Variants in CRYBG1 observed in about 807,000 individuals in gnomAD.
CRYBG1 encodes the protein beta/gamma crystallin domain-containing protein 1.
A neutral mutation model predicts 189.2 loss-of-function variants in CRYBG1; 139 were observed. The ratio of observed to expected loss-of-function variants is 0.73; its 90% CI spans 0.64 to 0.85. The LOEUF is 0.85. Ranked by LOEUF, CRYBG1 falls within the 40% of genes least tolerant of loss-of-function variation. The pLI is 0.00. For missense variants in CRYBG1, 2,611 were observed against 2,675.8 expected (o/e 0.98, Z 0.53); for synonymous variants, 1,023 against 1,017.1 (o/e 1.01, Z -0.11).
At chr6:106,414,113 C>T (rs1003882691) in intron 1 of CRYBG1, among the ~76,000 whole-genome samples, 2 of 152,202 alleles carry the variant, frequency 1.3e-5, no homozygotes, top group African/African-American at 2.4e-5. Context: ...CAACTGGTTC[C>T]ACCTGACAAG....
intron 2 of CRYBG1, among the ~76,000 whole-genome samples, chr6:106,483,407 A>G (rs117732136): frequency 0.28 from 36,032 of 129,646 alleles, 7,490 homozygotes; most frequent in East Asian, 0.45. Flanking sequence ...TATATAAAAC[A>G]TTTTCTTTAT....
In CRYBG1 at chr6:106,511,391, A is replaced by G. The variant is rs1231639723; in HGVS notation, c.313-39A>G. ...GTACGTCTAAGGGGAAAAACACCAG[A>G]TTCTCATATGTTCCCTCCTCATCCC... On this transcript the variant is annotated intron_variant, in intron 2 of 21. Coordinates refer to ENST00000633556, the MANE Select transcript of CRYBG1 (RefSeq NM_001371242.2). 4.1e-6 allele frequency: 6 copies of G among 1,475,276 alleles called. No homozygotes were observed. In the East Asian group the frequency reaches 1.5e-4, roughly 37 times the overall value. 91.4% of individuals were successfully genotyped at this position (1,475,276 alleles called of 1,614,324 possible).
chr6:106,378,743 T>C (rs1554230665), intron 1 of CRYBG1, among the ~76,000 whole-genome samples: 1 of 152,234 alleles, frequency 6.6e-6, no homozygotes, highest in Non-Finnish European at 1.5e-5. Context: ...CTACAGTAGA[T>C]AGAAAGAGAA....
intron 1 of CRYBG1, 63 bp from the exon 2 acceptor site, chr6:106,451,631 G>A (rs1771783014): frequency 5.0e-6 from 7 of 1,396,236 alleles, no homozygotes; most frequent in South Asian, 4.5e-5. Flanking sequence ...ATGCCTTTGG[G>A]TTTCTTGAGA....
chr6:106,512,705 G>T lies in CRYBG1; in HGVS notation c.1588G>T (p.Ala530Ser). 6.5e-7 allele frequency: 1 copy of T among 1,549,256 alleles called. No individual in the cohort carries two copies. Reference sequence around the variant, plus strand: ...CCTCGAGGCCGTGCCCGCCCCGCCCGCCAGCGGCCCCCGGGCTCCCGCCAA... The same window carrying T: ...CCTCGAGGCCGTGCCCGCCCCGCCCTCCAGCGGCCCCCGGGCTCCCGCCAA... ...RALEAVPAPP[A>S]SGPRAPAKES... is the part of the protein sequence containing the mutation. The change falls in exon 3 of 22, where the codon GCC becomes TCC. Residue 530 changes from alanine (A) to serine (S), a missense_variant. By Grantham distance (99) the Ala-to-Ser change is moderately conservative (BLOSUM62 1). Coordinates refer to ENST00000633556, the MANE Select transcript of CRYBG1 (RefSeq NM_001371242.2).
In CRYBG1 at chr6:106,512,684, G is replaced by A. The variant is rs750614082; in HGVS notation, c.1567G>A (p.Glu523Lys). ...GAGGAAGGGCAGGAGCCGTGCCCTCGAGGCCGTGCCCGCCCCGCCCGCCAG... is the reference window on the plus strand; with the variant it reads ...GAGGAAGGGCAGGAGCCGTGCCCTCAAGGCCGTGCCCGCCCCGCCCGCCAG... The part of the protein sequence containing the change: ...TKRKGRSRAL[E>K]AVPAPPASGP... Residue 523 changes from glutamate to lysine, a missense_variant, in exon 3 of 22, where the codon GAG becomes AAG. Glu to Lys is a moderately conservative substitution (Grantham distance 56). Transcript: ENST00000633556. 3 of 1,551,774 alleles carry A rather than the reference G, an allele frequency of 1.9e-6. No homozygotes were observed. Among genetic ancestry groups the A allele is most frequent in the Non-Finnish European group, 1.7e-6 (2 of 1,148,752 alleles).
intron 16 of CRYBG1, among the ~76,000 whole-genome samples, chr6:106,554,777 C>T (rs531331294): frequency 6.6e-6 from 1 of 152,262 alleles, no homozygotes; most frequent in South Asian, 2.1e-4. Flanking sequence ...AGAGTATTAA[C>T]TTCAGGAGAG....
At chr6:106,474,294 T>C (rs190737564) in intron 2 of CRYBG1, among the ~76,000 whole-genome samples, 1 of 152,334 alleles carries the variant, frequency 6.6e-6, no homozygotes, top group East Asian at 1.9e-4. Context: ...CAGTGAGCTA[T>C]GATCATGTGC....
intron 16 of CRYBG1, 74 bp downstream of exon 16, chr6:106,553,641 T>C (rs990293527): frequency 5.0e-6 from 5 of 1,008,434 alleles, no homozygotes; most frequent in Non-Finnish European, 6.3e-6. Context: ...AAGTATATAG[T>C]GATGCCTGTT....
chr6:106,561,479 A>G lies in CRYBG1; in HGVS notation c.6117A>G (p.Gln2039=), dbSNP rs976552199. 6 of 1,613,412 alleles carry G rather than the reference A, an allele frequency of 3.7e-6. No individual in the cohort carries two copies. In the African/African-American group the frequency reaches 6.7e-5, roughly 18 times the overall value. ...VGADDQIWIY[Q]EGCIKCRIAE... ...CCGATGATCAGATTTGGATCTATCA[A>G]GAAGGATGTATCAAATGCAGGGTGA... The change falls in exon 20 of 22, where the codon CAA becomes CAG. Residue 2039 remains glutamine (Q), a synonymous_variant. Coordinates refer to ENST00000633556, the MANE Select transcript of CRYBG1 (RefSeq NM_001371242.2).
chr6:106,563,667 A>AAGAT, intron 20 of CRYBG1, 97 bp from the exon 21 acceptor site: 1 of 1,293,496 alleles, frequency 7.7e-7, no homozygotes, highest in Non-Finnish European at 1.1e-6. Context: ...GCTAGGAACT[A>AAGAT]AGATAATTTT....
rs549591754 is a variant in CRYBG1, at chr6:106,518,964, C to A, written c.1923-167C>A. ...ACAGAGCAAGACCTTGTCTTAAAAA[C>A]ACATGTGTGCGCACACACACACACA... On this transcript the variant is annotated intron_variant, in intron 3 of 21. Coordinates refer to ENST00000633556, the MANE Select transcript of CRYBG1 (RefSeq NM_001371242.2). Among the ~76,000 whole-genome samples the A allele has an allele frequency of 2.8e-4, 26 of 93,084 alleles. No individual in the cohort carries two copies. In the East Asian group the frequency reaches 5.9e-3, roughly 21 times the overall value. The allele number at this position is 93,084 out of a possible 152,430, so 61.1% of individuals were successfully genotyped here. A position where few individuals can be genotyped will look rare whatever the true frequency, so the allele number is the denominator to read the frequency against.
chr6:106,403,377 GA>G (rs147451777), intron 1 of CRYBG1, among the ~76,000 whole-genome samples: 7,707 of 152,242 alleles, frequency 0.051, 602 homozygotes, highest in African/African-American at 0.17. Context: ...CTGGAACACA[GA>G]GAGCAAGGGG....
In CRYBG1 at chr6:106,558,535, GA is replaced by G. The variant is rs1472741926; in HGVS notation, c.5771del (p.Lys1924ArgfsTer62). 2 of 1,610,990 alleles carry G rather than the reference GA, an allele frequency of 1.2e-6. No individual in the cohort carries two copies. Among genetic ancestry groups the G allele is most frequent in the Admixed American group, 3.3e-5 (2 of 59,814 alleles). On this transcript the variant is annotated frameshift_variant, in exon 18 of 22. Coordinates refer to ENST00000633556, the MANE Select transcript of CRYBG1 (RefSeq NM_001371242.2). LOFTEE classifies it high-confidence loss of function. ...IILFEREDFK[G>X]KKIELNAETV... is the part of the protein sequence containing the mutation. Reference sequence around the variant, plus strand: ...CTCTTTGAAAGAGAAGACTTCAAAGGAAAAAAGATTGAACTTAATGCAGAAA... The same window carrying G: ...CTCTTTGAAAGAGAAGACTTCAAAGGAAAAAGATTGAACTTAATGCAGAAA...
In CRYBG1 at chr6:106,543,610, G is replaced by A; in HGVS notation, c.5039+13G>A. On this transcript the variant is annotated intron_variant, in intron 11 of 21. Transcript: ENST00000633556. Reference sequence around the variant, plus strand: ...TTCTAAGAGGCATGTAAGTACATGGGTGACTTGTTAGGATTTCTTTTTTTT... The same window carrying A: ...TTCTAAGAGGCATGTAAGTACATGGATGACTTGTTAGGATTTCTTTTTTTT... 1 of 1,602,782 alleles carries A rather than the reference G, an allele frequency of 6.2e-7. No individual in the cohort carries two copies. The highest frequency in any genetic ancestry group is 8.5e-7 in the Non-Finnish European group (1 of 1,175,124).
intron 1 of CRYBG1, among the ~76,000 whole-genome samples, chr6:106,405,651 G>A (rs1178840851): frequency 6.6e-6 from 1 of 152,220 alleles, no homozygotes; most frequent in Non-Finnish European, 1.5e-5. Flanking sequence ...CTGGCATCTG[G>A]CGGGTGCCCC....
Position 106,571,915 on chromosome 6 carries a change from A to C in CRYBG1, c.*3349A>C, listed in dbSNP as rs1341604434. Reference sequence around the variant, plus strand: ...ATAATCTAATCTGGAAAAATGTTTGAAAGGGATGGCTAGAAAAAAATTTGG... The same window carrying C: ...ATAATCTAATCTGGAAAAATGTTTGCAAGGGATGGCTAGAAAAAAATTTGG... On this transcript the variant is annotated 3_prime_UTR_variant, in exon 22 of 22. Coordinates refer to ENST00000633556, the MANE Select transcript of CRYBG1 (RefSeq NM_001371242.2). 7.0e-6 allele frequency: 6 copies of C among 856,006 alleles called. No individual in the cohort carries two copies. Among genetic ancestry groups the C allele is most frequent in the African/African-American group, 6.8e-5 (4 of 59,020 alleles). The allele number at this position is 856,006 out of a possible 1,614,324, so 53.0% of individuals were successfully genotyped here. A position where few individuals can be genotyped will look rare whatever the true frequency, so the allele number is the denominator to read the frequency against.
chr6:106,417,902 C>T (rs148901339), intron 1 of CRYBG1, among the ~76,000 whole-genome samples: 10 of 152,260 alleles, frequency 6.6e-5, no homozygotes, highest in African/African-American at 2.4e-4. Context: ...CTTTTAGTTC[C>T]CCCGTCCACA....
chr6:106,544,703 T>A lies in CRYBG1; in HGVS notation c.5166+6T>A. 1.2e-6 allele frequency: 2 copies of A among 1,612,864 alleles called. No individual in the cohort carries two copies. The highest frequency in any genetic ancestry group is 1.1e-5 in the South Asian group (1 of 90,922). On this transcript the variant is annotated splice_donor_region_variant and intron_variant, in intron 12 of 21. Coordinates refer to ENST00000633556, the MANE Select transcript of CRYBG1 (RefSeq NM_001371242.2). The stretch of plus-strand genomic sequence containing the variant: ...CTTTACGACCTATATTAGGTGTAAG[T>A]AAAGGACAAGCTAATGGCTAATACT...
Sources: gnomAD v4.1 joint callset for allele counts (sites outside exome capture counted in the v4.1 genomes callset) on GRCh38, gnomAD v4.1.1 for gene constraint, MANE v1.5 for transcripts, NCBI Gene and HGNC (gene_info 2026-07-23, HGNC 2026-07-21) for gene names.